Variants in ATP13A4 observed in about 807,000 individuals in gnomAD.
ATP13A4 encodes ATPase 13A4, also known as probable cation-transporting ATPase 13A4.
ATP13A4 carries 114 observed loss-of-function variants against 142.5 expected under a neutral mutation model. The ratio of observed to expected loss-of-function variants is 0.80; its 90% CI spans 0.69 to 0.93. ATP13A4 has a LOEUF of 0.93. Ranked by LOEUF, ATP13A4 falls within the 40% of genes least tolerant of loss-of-function variation. The probability of loss-of-function intolerance (pLI) is 0.00; values close to 1 mark genes in which losing one functional copy is unlikely to be tolerated. For synonymous variants in ATP13A4, 488 were observed against 514.8 expected (o/e 0.95, Z 0.70); for missense variants, 1,392 against 1,454.0 (o/e 0.96, Z 0.69).
In ATP13A4 at chr3:193,577,774, C is replaced by A. The variant is rs75377397; in HGVS notation, n.291+3933G>T. 6.0e-4 allele frequency among the ~76,000 whole-genome samples: 91 copies of A among 152,316 alleles called. No individual in the cohort carries two copies. In the East Asian group the frequency reaches 0.016, roughly 27 times the overall value. On this transcript the variant is annotated intron_variant and non_coding_transcript_variant, in intron 2 of 3. Transcript: ENST00000489140. ...AGTAGGACTCATTTTCAAGTCCACC[C>A]TTTATCAAATAGATCTCTATGTTGC... is the stretch of plus-strand genomic sequence containing the variant.
intron 25 of ATP13A4, among the ~76,000 whole-genome samples, chr3:193,417,321 A>G (rs1234000533): frequency 1.3e-5 from 2 of 152,252 alleles, no homozygotes; most frequent in African/African-American, 2.4e-5. Context: ...AGCTATCAGC[A>G]AATATAAATG....
intron 2 of ATP13A4, among the ~76,000 whole-genome samples, chr3:193,575,000 C>T (rs1724362669): frequency 6.6e-6 from 1 of 152,210 alleles, no homozygotes. Context: ...TCTTAAGACA[C>T]TGGCAGCTTC....
chr3:193,436,050 G>C (rs1424513249), intron 23 of ATP13A4, among the ~76,000 whole-genome samples: 1 of 152,206 alleles, frequency 6.6e-6, no homozygotes, highest in African/African-American at 2.4e-5. Flanking sequence ...GATCAGTGGA[G>C]CTAGTGCCAG....
intron 25 of ATP13A4, among the ~76,000 whole-genome samples, chr3:193,416,525 G>A (rs1715073081): frequency 6.6e-6 from 1 of 152,136 alleles, no homozygotes; most frequent in African/African-American, 2.4e-5. Context: ...AAATTCTGAA[G>A]CTGAAAAGTA....
chr3:193,489,946 T>C, intron 6 of ATP13A4, 82 bp from the exon 7 acceptor site: 1 of 1,418,472 alleles, frequency 7.0e-7, no homozygotes, highest in Non-Finnish European at 9.9e-7. Context: ...TTCATAATCA[T>C]CTTCATGACA....
chr3:193,492,795 CTAAA>C (rs1484464403), intron 5 of ATP13A4, 118 bp downstream of exon 5: 2 of 768,560 alleles, frequency 2.6e-6, no homozygotes, highest in African/African-American at 1.8e-5. Flanking sequence ...TTTAATAATA[CTAAA>C]TAGAGCATTA....
At chr3:193,427,736 T>G (rs919940331) in intron 25 of ATP13A4, among the ~76,000 whole-genome samples, 55 of 152,298 alleles carry the variant, frequency 3.6e-4, no homozygotes, top group Middle Eastern at 6.8e-3. Flanking sequence ...TGGCTAGCCA[T>G]ATGTAGAAAG....
chr3:193,459,151 G>C lies in ATP13A4; in HGVS notation c.1604C>G (p.Ser535Cys). 1 of 1,614,212 alleles carries C rather than the reference G, an allele frequency of 6.2e-7. No homozygotes were observed. Among genetic ancestry groups the C allele is most frequent in the Non-Finnish European group, 8.5e-7 (1 of 1,180,028 alleles). The stretch of plus-strand genomic sequence containing the variant: ...GATGGTCCCATCAAGAAGGATCAGA[G>C]AGTGGCAGCTGGCCATCGCTGCACA... ...PLCAAMASCH[S>C]LILLDGTIQG... is the part of the protein sequence containing the mutation. The change falls in exon 14 of 30, where the codon TCT becomes TGT. Residue 535 changes from serine to cysteine, a missense_variant. Physicochemically the swap from Ser to Cys is moderately radical, Grantham distance 112. Transcript: ENST00000342695.
chr3:193,493,190 T>C, intron 3 of ATP13A4, 30 bp from the exon 4 acceptor site: 2 of 1,591,910 alleles, frequency 1.3e-6, no homozygotes, highest in East Asian at 2.2e-5. Flanking sequence ...AGAAAACCTC[T>C]AGTTTGAGGA....
intron 9 of ATP13A4, among the ~76,000 whole-genome samples, chr3:193,469,837 G>T (rs541935683): frequency 1.3e-5 from 2 of 152,108 alleles, no homozygotes; most frequent in Non-Finnish European, 2.9e-5. Context: ...ATAGAAAGTC[G>T]GAGTTGCATT....
Position 193,435,720 on chromosome 3 carries a change from G to A in ATP13A4, c.2697C>T (p.Thr899=), listed in dbSNP as rs1560184408. ...CCATGTACTTAAACATGCAAAAGGA[G>A]GTAACGAGAGCTGCACGTCCTTCCC... is the stretch of plus-strand genomic sequence containing the variant. ...LIKEGRAALV[T]SFCMFKYMAL... Residue 899 remains threonine (T), a synonymous_variant, in exon 24 of 30, where the codon ACC becomes ACT. Transcript: ENST00000342695. 6.2e-7 allele frequency: 1 copy of A among 1,613,898 alleles called. No individual in the cohort carries two copies. Among genetic ancestry groups the A allele is most frequent in the Non-Finnish European group, 8.5e-7 (1 of 1,179,854 alleles).
At chr3:193,502,321 G>A (rs138308467) in intron 3 of ATP13A4, among the ~76,000 whole-genome samples, 172 bp downstream of exon 3, 59 of 152,230 alleles carry the variant, frequency 3.9e-4, no homozygotes, top group African/African-American at 1.3e-3. Context: ...CAATGGTTGC[G>A]CTATTTAGAA....
chr3:193,496,219 C>T (rs944392105), intron 3 of ATP13A4, among the ~76,000 whole-genome samples: 49 of 152,048 alleles, frequency 3.2e-4, no homozygotes, highest in Admixed American at 2.7e-3. Flanking sequence ...ATAGAAAAAA[C>T]AATCCTAAAA....
intron 1 of ATP13A4, among the ~76,000 whole-genome samples, chr3:193,592,619 C>A (rs1024240326): frequency 6.6e-6 from 1 of 152,182 alleles, no homozygotes; most frequent in African/African-American, 2.4e-5. Flanking sequence ...TTGAACAAAT[C>A]ATTTTGACGC....
intron 2 of ATP13A4, among the ~76,000 whole-genome samples, chr3:193,565,907 C>T (rs1577083138): frequency 6.6e-6 from 1 of 152,328 alleles, no homozygotes; most frequent in Non-Finnish European, 1.5e-5. Flanking sequence ...TTTAATGGAA[C>T]TGATATTATT....
intron 7 of ATP13A4, among the ~76,000 whole-genome samples, chr3:193,488,367 T>C (rs957509635): frequency 5.3e-5 from 8 of 152,118 alleles, no homozygotes; most frequent in African/African-American, 1.9e-4. Flanking sequence ...TAACTAAAAG[T>C]ATACAGAAAA....
intron 7 of ATP13A4, among the ~76,000 whole-genome samples, chr3:193,487,709 C>G (rs998079880): frequency 6.6e-6 from 1 of 152,092 alleles, no homozygotes; most frequent in African/African-American, 2.4e-5. Context: ...TTTTCTATCT[C>G]TATATCAATA....
intron 25 of ATP13A4, among the ~76,000 whole-genome samples, chr3:193,423,145 C>G (rs914465921): frequency 1.3e-5 from 2 of 149,628 alleles, no homozygotes; most frequent in African/African-American, 4.9e-5. Context: ...ACACATACAA[C>G]CTACCAAGAA....
At chr3:193,483,706 A>C (rs926241281) in intron 8 of ATP13A4, among the ~76,000 whole-genome samples, 3 of 152,012 alleles carry the variant, frequency 2.0e-5, no homozygotes, top group Non-Finnish European at 2.9e-5. Context: ...CCTCGTGATC[A>C]GCCCGCCTCG....
Sources: allele counts gnomAD v4.1 joint callset (sites outside exome capture counted in the v4.1 genomes callset), GRCh38; gene constraint gnomAD v4.1.1; transcripts MANE v1.5; gene names NCBI Gene and HGNC (gene_info 2026-07-23, HGNC 2026-07-21).